The following MAGI2 variants were observed in gnomAD, a reference collection of about 807,000 sequenced individuals.
MAGI2 encodes the protein membrane associated guanylate kinase, WW and PDZ domain containing 2.
Under a neutral mutation model 133.3 loss-of-function variants are expected in MAGI2, and 35 were observed. The ratio of observed to expected loss-of-function variants is 0.26; its 90% confidence interval spans 0.20 to 0.35. The LOEUF (loss-of-function observed/expected upper bound fraction) is 0.35. Ranked by LOEUF, MAGI2 falls within the 10% of genes least tolerant of loss-of-function variation. The pLI is 1.00. For missense variants in MAGI2, 1,636 were observed against 1,863.4 expected (o/e 0.88, Z 2.25); for synonymous variants, 729 against 710.6 (o/e 1.03, Z -0.41).
intron 3 of MAGI2, chr7:78,621,269 T>C (rs1002575614): frequency 2.6e-5 from 4 of 151,932 alleles, no homozygotes; most frequent in African/African-American, 9.7e-5. Flanking sequence ...AGCTCTGTGG[T>C]CTGTGTTCAC....
At chr7:79,307,517 C>T (rs947344460) in intron 1 of MAGI2, among the ~76,000 whole-genome samples, 4 of 152,134 alleles carry the variant, frequency 2.6e-5, no homozygotes, top group African/African-American at 9.7e-5. Context: ...TCCATCCCTA[C>T]CTGCATCATC....
intron 1 of MAGI2, among the ~76,000 whole-genome samples, chr7:79,287,640 G>A (rs2129558479): frequency 6.6e-6 from 1 of 152,214 alleles, no homozygotes; most frequent in Non-Finnish European, 1.5e-5. Context: ...GTAGTAAATT[G>A]GAGAGGATAA....
intron 1 of MAGI2, among the ~76,000 whole-genome samples, chr7:79,098,157 C>T (rs562391107): frequency 8.5e-5 from 13 of 152,206 alleles, no homozygotes; most frequent in Non-Finnish European, 1.8e-4. Context: ...TTTATTCTTT[C>T]CTTCCTCCTT....
intron 1 of MAGI2, among the ~76,000 whole-genome samples, chr7:79,160,003 A>C (rs1824200718): frequency 6.6e-6 from 1 of 152,068 alleles, no homozygotes; most frequent in African/African-American, 2.4e-5. Flanking sequence ...GATTGGTAGA[A>C]GCTAGCTCAG....
rs1313766424 is a variant in MAGI2 at position 79,054,256 on chromosome 7, G to GA, written c.302-47051dup. 4.0e-5 allele frequency among the ~76,000 whole-genome samples: 6 copies of GA among 151,812 alleles called. No homozygotes were observed. In the East Asian group the frequency reaches 9.7e-4, roughly 24 times the overall value. ...AAGTACATACAGTAAGTTAAACTGA[G>GA]AAAAAATAGTAAAATAAGAAAAAGT... is the stretch of plus-strand genomic sequence containing the variant. On this transcript the variant is annotated intron_variant, in intron 1 of 21. Coordinates refer to ENST00000354212, the MANE Select transcript of MAGI2 (RefSeq NM_012301.4).
chr7:79,365,230 A>G (rs1842623704), intron 1 of MAGI2, among the ~76,000 whole-genome samples: 1 of 152,230 alleles, frequency 6.6e-6, no homozygotes, highest in Non-Finnish European at 1.5e-5. Flanking sequence ...AAAAATGGTG[A>G]CAATACCAAA....
rs1469682648 is a variant in MAGI2 at position 78,686,081 on chromosome 7, AT to A, written c.419-58843del. ...CTTTTGCTTATTTTCTTAAGAATTC[AT>A]TCTGAGAAGGTCATTATACATTGAA... On this transcript the variant is annotated intron_variant, in intron 2 of 21. Coordinates refer to ENST00000354212, the MANE Select transcript of MAGI2 (RefSeq NM_012301.4). Among the ~76,000 whole-genome samples the A allele has an allele frequency of 4.7e-5, 7 of 149,394 alleles. No individual in the cohort carries two copies. In the East Asian group the frequency reaches 1.4e-3, roughly 30 times the overall value.
At chr7:79,119,195 C>T (rs886939930) in intron 1 of MAGI2, among the ~76,000 whole-genome samples, 11 of 152,078 alleles carry the variant, frequency 7.2e-5, no homozygotes, top group African/African-American at 2.4e-4. Context: ...CATAGTTAAC[C>T]AGTAGTGACC....
At chr7:78,102,438 AC>A (rs1818288068) in intron 20 of MAGI2, among the ~76,000 whole-genome samples, 1 of 152,250 alleles carries the variant, frequency 6.6e-6, no homozygotes, top group Non-Finnish European at 1.5e-5. Flanking sequence ...AGGCACACTT[AC>A]GTCAAAATAT....
chr7:78,944,951 C>T (rs1008642073), intron 2 of MAGI2, among the ~76,000 whole-genome samples: 4 of 152,046 alleles, frequency 2.6e-5, no homozygotes, highest in African/African-American at 9.7e-5. Flanking sequence ...GTTGCCCGAG[C>T]TGGTCTGGTA....
intron 20 of MAGI2, among the ~76,000 whole-genome samples, chr7:78,088,656 G>T (rs554711232): frequency 5.9e-5 from 9 of 152,240 alleles, no homozygotes; most frequent in African/African-American, 2.2e-4. Context: ...TGAAAGAGAG[G>T]CTGCCTGTCT....
chr7:78,570,471 T>C (rs963553109), intron 3 of MAGI2, among the ~76,000 whole-genome samples: 1 of 151,990 alleles, frequency 6.6e-6, no homozygotes, highest in African/African-American at 2.4e-5. Context: ...CCAAATAAAA[T>C]GGGGAAGCAG....
intron 3 of MAGI2, among the ~76,000 whole-genome samples, chr7:78,544,770 G>A (rs920060689): frequency 6.6e-6 from 1 of 151,968 alleles, no homozygotes; most frequent in Non-Finnish European, 1.5e-5. Context: ...GGAGGTGGAG[G>A]TTGCGGTGAG....
intron 2 of MAGI2, among the ~76,000 whole-genome samples, chr7:78,877,885 T>C (rs1421709222): frequency 1.3e-5 from 2 of 152,224 alleles, no homozygotes; most frequent in African/African-American, 4.8e-5. Context: ...CTAAAAGTAC[T>C]TATTGATTAA....
At chr7:78,384,306 C>T (rs547265436) in intron 6 of MAGI2, among the ~76,000 whole-genome samples, 20 of 152,086 alleles carry the variant, frequency 1.3e-4, no homozygotes, top group East Asian at 7.7e-4. Context: ...GTGCTGGGCC[C>T]GAGGTTAGAG....
chr7:78,608,787 G>T (rs952161637), intron 3 of MAGI2, among the ~76,000 whole-genome samples: 4 of 152,126 alleles, frequency 2.6e-5, no homozygotes, highest in African/African-American at 9.7e-5. Flanking sequence ...GAAATTGAGG[G>T]CAAAACCACT....
At chr7:78,912,658 A>G (rs1188130794) in intron 2 of MAGI2, among the ~76,000 whole-genome samples, 1 of 151,720 alleles carries the variant, frequency 6.6e-6, no homozygotes, top group Non-Finnish European at 1.5e-5. Flanking sequence ...CTCAGCCTGC[A>G]GAAGGCCTAT....
chr7:78,772,875 A>G (rs1825701976), intron 2 of MAGI2, among the ~76,000 whole-genome samples: 3 of 152,234 alleles, frequency 2.0e-5, no homozygotes, highest in African/African-American at 7.2e-5. Context: ...AAAACATAAA[A>G]GATTTCACTT....
intron 3 of MAGI2, among the ~76,000 whole-genome samples, chr7:78,536,458 T>C (rs1032497055): frequency 6.6e-6 from 1 of 152,094 alleles, no homozygotes; most frequent in Non-Finnish European, 1.5e-5. Flanking sequence ...AAGTTGGCCT[T>C]GTCTGAGCCC....
Sources: gnomAD v4.1 joint callset for allele counts (sites outside exome capture counted in the v4.1 genomes callset) on GRCh38, gnomAD v4.1.1 for gene constraint, MANE v1.5 for transcripts, NCBI Gene and HGNC (gene_info 2026-07-23, HGNC 2026-07-21) for gene names.